CCNA2: variants seen among roughly 807,000 people sequenced by gnomAD.
CCNA2 encodes cyclin A2.
CCNA2 carries 3 observed loss-of-function variants against 49.4 expected under a neutral mutation model. The observed-to-expected ratio is 0.06, with a 90% CI of 0.03 to 0.16. CCNA2 has a LOEUF of 0.16. Ranked by LOEUF, CCNA2 falls within the 10% of genes least tolerant of loss-of-function variation. The pLI is 1.00. For missense variants in CCNA2, 372 were observed against 519.7 expected, an observed-to-expected ratio of 0.72 and a Z score of 2.76; for synonymous variants, 206 against 197.2, an observed-to-expected ratio of 1.04 and a Z score of -0.37.
In CCNA2 at chr4:121,817,369, A is replaced by C. The variant is rs1332519969; in HGVS notation, c.*269T>G. On this transcript the variant is annotated 3_prime_UTR_variant, in exon 8 of 8. Transcript: ENST00000274026. ...CCTGAAGAAGTTAAATTTGACTTGC[A>C]AAGTTTTCCAAATCAATTTATTATC... 3.0e-6 allele frequency: 1 copy of C among 334,176 alleles called. No individual in the cohort carries two copies. The allele number at this position is 334,176 out of a possible 1,614,324, so 20.7% of individuals were successfully genotyped here.
In CCNA2 at chr4:121,820,843, G is replaced by A. The variant is rs191647601; in HGVS notation, c.571-78C>T. The A allele has an allele frequency of 2.8e-4, 344 of 1,245,452 alleles. 3 individuals carry two copies. In the Middle Eastern group the frequency reaches 4.7e-3, roughly 17 times the overall value. The allele number at this position is 1,245,452 out of a possible 1,614,324, so 77.2% of individuals were successfully genotyped here. On this transcript the variant is annotated intron_variant, in intron 3 of 7. Transcript: ENST00000274026. The surrounding 1 kb of genome is among the most constrained non-coding windows in gnomAD (Gnocchi z 4.1). The stretch of plus-strand genomic sequence containing the variant: ...ATTAGATTATTTTACCATTAATTAC[G>A]AGAGGCTACATGCTATAAACTTAAC...
Position 121,822,450 on chromosome 4 carries a change from G to A in CCNA2, c.410C>T (p.Pro137Leu). Reference sequence around the variant, plus strand: ...ATCAAGAGGGACCAATGGTTTTCTGGGTCCAGGTAAACTAATGGCTGAATT... The same window carrying A: ...ATCAAGAGGGACCAATGGTTTTCTGAGTCCAGGTAAACTAATGGCTGAATT... The part of the protein sequence containing the change: ...AFNSAISLPG[P>L]RKPLVPLDYP... The change falls in exon 2 of 8, where the codon CCC becomes CTC. Residue 137 changes from proline (P) to leucine (L), a missense_variant. By Grantham distance (98) the Pro-to-Leu change is moderately conservative. Transcript: ENST00000274026. The A allele has an allele frequency of 6.2e-7, 1 of 1,614,080 alleles. No homozygotes were observed. The highest frequency in any genetic ancestry group is 8.5e-7 in the Non-Finnish European group (1 of 1,179,990).
At chr4:121,817,724 C>T in intron 7 of CCNA2, 38 bp from the exon 8 acceptor site, 1 of 1,611,460 alleles carries the variant, frequency 6.2e-7, no homozygotes, top group South Asian at 1.1e-5. Flanking sequence ...TTAGTAAACA[C>T]TCACTGGGTA....
In CCNA2 at chr4:121,816,918, A is replaced by T. The variant is rs983937469; in HGVS notation, c.*720T>A. 6.1e-5 allele frequency: 85 copies of T among 1,383,416 alleles called. No individual in the cohort carries two copies. The African/African-American group carries it at 1.1e-3, about 18-fold the overall frequency. The allele number at this position is 1,383,416 out of a possible 1,614,324, so 85.7% of individuals were successfully genotyped here. ...AAGGGATATTTATTCCATTCTGAGA[A>T]CCCTGGGTATTTTTTATTCACAAAT... On this transcript the variant is annotated 3_prime_UTR_variant, in exon 8 of 8. Transcript: ENST00000274026.
chr4:121,823,281 G>C, intron 1 of CCNA2, 135 bp downstream of exon 1: 1 of 1,088,802 alleles, frequency 9.2e-7, no homozygotes, highest in South Asian at 1.6e-5. Context: ...CCACACACCA[G>C]CACCAACTGC....
chr4:121,816,933 T>A lies in CCNA2; in HGVS notation c.*705A>T. 4 of 1,297,030 alleles carry A rather than the reference T, an allele frequency of 3.1e-6. No homozygotes were observed. Among genetic ancestry groups the A allele is most frequent in the Admixed American group, 3.3e-5 (1 of 30,292 alleles). 80.3% of individuals were successfully genotyped at this position (1,297,030 alleles called of 1,614,324 possible). ...CATTCTGAGAACCCTGGGTATTTTT[T>A]ATTCACAAATCCATTATAAAATCTA... On this transcript the variant is annotated 3_prime_UTR_variant, in exon 8 of 8. Coordinates refer to ENST00000274026, the MANE Select transcript of CCNA2 (RefSeq NM_001237.5).
chr4:121,820,112 T>C lies in CCNA2; in HGVS notation c.794+430A>G, dbSNP rs1013155835. The stretch of plus-strand genomic sequence containing the variant: ...TGCATCACCATGCCCAGCTAATTTT[T>C]GTATTTTTAGTAGAGACAGGGTTTC... On this transcript the variant is annotated intron_variant, in intron 4 of 7. Transcript: ENST00000274026. The surrounding 1 kb of genome is among the most constrained non-coding windows in gnomAD (Gnocchi z 4.1). 1.3e-5 allele frequency among the ~76,000 whole-genome samples: 2 copies of C among 152,028 alleles called. No individual in the cohort carries two copies. Among genetic ancestry groups the C allele is most frequent in the Non-Finnish European group, 2.9e-5 (2 of 68,000 alleles).
At position 121,819,440 on chromosome 4, in the gene CCNA2, T is replaced by A. The variant is rs1724634593; in HGVS notation, c.934A>T (p.Asn312Tyr). Reference sequence around the variant, plus strand: ...AGAAAGTATTGGGTAAGAAACTGATTTACTGTTGGAGCAGCTAAGTCAAAA... The same window carrying A: ...AGAAAGTATTGGGTAAGAAACTGATATACTGTTGGAGCAGCTAAGTCAAAA... Reference protein sequence around the residue: ...LTFDLAAPTVNQFLTQYFLHQ... With the variant: ...LTFDLAAPTVYQFLTQYFLHQ... The change falls in exon 5 of 8, where the codon AAT (asparagine) becomes TAT (tyrosine). Residue 312 changes from asparagine to tyrosine, a missense_variant. Physicochemically the swap from Asn to Tyr is moderately radical, Grantham distance 143. This residue lies in a region of CCNA2 where 155 missense variants were observed against 288.1 expected (regional missense o/e 0.54). Transcript: ENST00000274026. 1.9e-6 allele frequency: 3 copies of A among 1,613,990 alleles called. No homozygotes were observed. Among genetic ancestry groups the A allele is most frequent in the Admixed American group, 3.3e-5 (2 of 59,994 alleles).
chr4:121,823,272 C>A, intron 1 of CCNA2, 144 bp downstream of exon 1: 1 of 1,029,646 alleles, frequency 9.7e-7, no homozygotes, highest in African/African-American at 1.6e-5. Flanking sequence ...TGTGGCAAAC[C>A]ACACACCAGC....
Position 121,820,862 on chromosome 4 carries a change from A to G in CCNA2, c.571-97T>C. The G allele has an allele frequency of 8.1e-7, 1 of 1,233,880 alleles. No individual in the cohort carries two copies. The highest frequency in any genetic ancestry group is 1.2e-6 in the Non-Finnish European group (1 of 860,392). The allele number at this position is 1,233,880 out of a possible 1,614,324, so 76.4% of individuals were successfully genotyped here. A position where few individuals can be genotyped will look rare whatever the true frequency, so the allele number is the denominator to read the frequency against. On this transcript the variant is annotated intron_variant, in intron 3 of 7. Transcript: ENST00000274026. This position sits in a 1 kb window ranked among gnomAD's most constrained non-coding sequence, Gnocchi z 4.1. Reference sequence around the variant, plus strand: ...AATTACGAGAGGCTACATGCTATAAACTTAACTGTAGCATTAGAATAATTC... The same window carrying G: ...AATTACGAGAGGCTACATGCTATAAGCTTAACTGTAGCATTAGAATAATTC...
chr4:121,816,589 AT>A lies in CCNA2; in HGVS notation c.*1048del. The stretch of plus-strand genomic sequence containing the variant: ...TCATTAGAGATCCATCTGTTCTGTG[AT>A]TTTTTTACCTTGTGATTTATAAAAA... On this transcript the variant is annotated 3_prime_UTR_variant, in exon 8 of 8. Coordinates refer to ENST00000274026, the MANE Select transcript of CCNA2 (RefSeq NM_001237.5). 1.2e-6 allele frequency: 1 copy of A among 821,220 alleles called. No individual in the cohort carries two copies. The highest frequency in any genetic ancestry group is 1.8e-6 in the Non-Finnish European group (1 of 542,236). The allele number at this position is 821,220 out of a possible 1,614,324, so 50.9% of individuals were successfully genotyped here. A position where few individuals can be genotyped will look rare whatever the true frequency, so the allele number is the denominator to read the frequency against.
rs764626513 is a variant in CCNA2 at position 121,818,870 on chromosome 4, T to C, written c.1046A>G (p.Lys349Arg). 6.2e-7 allele frequency: 1 copy of C among 1,613,688 alleles called. No individual in the cohort carries two copies. The highest frequency in any genetic ancestry group is 1.1e-5 in the South Asian group (1 of 91,068). The change falls in exon 6 of 8, where the codon AAG (lysine) becomes AGG (arginine). Residue 349 changes from lysine to arginine, a missense_variant. This residue lies in a region of CCNA2 where 155 missense variants were observed against 288.1 expected (regional missense o/e 0.54). Transcript: ENST00000274026. ...TCCAGCAATAACTGATGGCAAATAC[T>C]TGAGGTATGGGTCAGCATCTATCAA... ...LSLIDADPYL[K>R]YLPSVIAGAA...
rs1177885469 is a variant in CCNA2, at chr4:121,821,000, G to A, written c.549C>T (p.His183=). The A allele has an allele frequency of 6.2e-7, 1 of 1,612,728 alleles. No homozygotes were observed. The highest frequency in any genetic ancestry group is 8.5e-7 in the Non-Finnish European group (1 of 1,178,924). ...NEVPDYHEDI[H]TYLREMEVKC... is the part of the protein sequence containing the mutation. Reference sequence around the variant, plus strand: ...TTACCTCCATTTCCCTAAGGTATGTGTGAATATCCTCATGGTAGTCTGGTA... The same window carrying A: ...TTACCTCCATTTCCCTAAGGTATGTATGAATATCCTCATGGTAGTCTGGTA... Residue 183 remains histidine, a synonymous_variant, in exon 3 of 8, where the codon CAC becomes CAT. Coordinates refer to ENST00000274026, the MANE Select transcript of CCNA2 (RefSeq NM_001237.5). This position sits in a 1 kb window ranked among gnomAD's most constrained non-coding sequence, Gnocchi z 4.1.
At position 121,817,624 on chromosome 4, in the gene CCNA2, G is replaced by A. The variant is rs775274179; in HGVS notation, c.*14C>T. On this transcript the variant is annotated 3_prime_UTR_variant, in exon 8 of 8. Coordinates refer to ENST00000274026, the MANE Select transcript of CCNA2 (RefSeq NM_001237.5). The stretch of plus-strand genomic sequence containing the variant: ...GTGATTTACATCTTAGAAAACAAAG[G>A]CAGTCTTTCATTGTTACAGATTTAG... 1 of 1,613,564 alleles carries A rather than the reference G, an allele frequency of 6.2e-7. No individual in the cohort carries two copies. Among genetic ancestry groups the A allele is most frequent in the Non-Finnish European group, 8.5e-7 (1 of 1,179,728 alleles).
At chr4:121,823,086 C>A (rs1330524958) in intron 1 of CCNA2, among the ~76,000 whole-genome samples, 1 of 152,166 alleles carries the variant, frequency 6.6e-6, no homozygotes, top group Non-Finnish European at 1.5e-5. Context: ...CAGAGTCCTA[C>A]AGCAGTGCCT....
rs757312369 is a variant in CCNA2, at chr4:121,816,783, C to G, written c.*855G>C. Reference sequence around the variant, plus strand: ...TGCTTTATTCACAGAACACAGACCACCAGTGCAAAACAAGAAAAAGCACCA... The same window carrying G: ...TGCTTTATTCACAGAACACAGACCAGCAGTGCAAAACAAGAAAAAGCACCA... On this transcript the variant is annotated 3_prime_UTR_variant, in exon 8 of 8. Transcript: ENST00000274026. 1.9e-6 allele frequency: 3 copies of G among 1,597,174 alleles called. No homozygotes were observed. Among genetic ancestry groups the G allele is most frequent in the East Asian group, 2.2e-5 (1 of 44,550 alleles).
In CCNA2 at chr4:121,817,089, C is replaced by G. The variant is rs1007792750; in HGVS notation, c.*549G>C. 7 of 431,984 alleles carry G rather than the reference C, an allele frequency of 1.6e-5. No individual in the cohort carries two copies. The highest frequency in any genetic ancestry group is 1.4e-4 in the African/African-American group (7 of 48,570). The allele number at this position is 431,984 out of a possible 1,614,324, so 26.8% of individuals were successfully genotyped here. ...CACTCCCAACCTCTGTTGAGTTTACCTCGCAAAACCTAAACAAACAGGTTT... is the reference window on the plus strand; with the variant it reads ...CACTCCCAACCTCTGTTGAGTTTACGTCGCAAAACCTAAACAAACAGGTTT... On this transcript the variant is annotated 3_prime_UTR_variant, in exon 8 of 8. Transcript: ENST00000274026.
intron 6 of CCNA2, among the ~76,000 whole-genome samples, chr4:121,818,520 A>C (rs894455140): frequency 6.6e-6 from 1 of 152,154 alleles, no homozygotes; most frequent in Non-Finnish European, 1.5e-5. Flanking sequence ...AAATATACCC[A>C]AATCTGTACA....
chr4:121,823,521 T>C lies in CCNA2; in HGVS notation c.108A>G (p.Glu36=). 1 of 1,613,232 alleles carries C rather than the reference T, an allele frequency of 6.2e-7. No individual in the cohort carries two copies. Among genetic ancestry groups the C allele is most frequent in the Non-Finnish European group, 8.5e-7 (1 of 1,179,758 alleles). Residue 36 remains glutamate, a synonymous_variant, in exon 1 of 8, where the codon GAA becomes GAG. Transcript: ENST00000274026. ...GCGGTTGTTGGACGGGCGCTGCCTT[T>C]TCCGGGTTGATATTCTCCTGGTCCT... ...LQEDQENINP[E]KAAPVQQPRT...
Sources: allele counts gnomAD v4.1 joint callset (sites outside exome capture counted in the v4.1 genomes callset), GRCh38; gene constraint gnomAD v4.1.1; regional missense constraint gnomAD v4.1.1; non-coding constraint Gnocchi (gnomAD v3.1); transcripts MANE v1.5; gene names NCBI Gene and HGNC (gene_info 2026-07-23, HGNC 2026-07-21).